NBPF20: variants seen among roughly 807,000 people sequenced by gnomAD.
NBPF20 encodes the protein NBPF family member NBPF20.
A neutral mutation model predicts 68.1 loss-of-function variants in NBPF20; 90 were observed. The ratio of observed to expected loss-of-function variants is 1.32; its 90% CI spans 1.11 to 1.58. NBPF20 has a LOEUF of 1.58. Among genes scored for constraint, NBPF20 ranks in the 40% most tolerant of loss-of-function variants. NBPF20 has a pLI of 0.00. For missense variants in NBPF20, 816 were observed against 601.2 expected (o/e 1.36, Z -3.74); for synonymous variants, 290 against 228.1 (o/e 1.27, Z -2.45).
At position 145,291,544 on chromosome 1, in the gene NBPF20, T is replaced by A. The variant is rs376413621; in HGVS notation, c.16923A>T (p.Gly5641=). 40 of 1,611,984 alleles carry A rather than the reference T, an allele frequency of 2.5e-5. No individual in the cohort carries two copies. In the African/African-American group the frequency reaches 2.7e-4, roughly 11 times the overall value. ...GGGCTGTTTATTGTGGGAATATGAC[T>A]CCCATCTGGAACACCAGGTGGAGAC... The change falls in exon 138 of 138, where the codon GGA becomes GGT. Residue 5641 remains glycine (G), a synonymous_variant. Transcript: ENST00000369373.
chr1:145,419,723 C>A, the NBPF20 span, among the ~76,000 whole-genome samples: 23 of 152,254 alleles, frequency 1.5e-4, no homozygotes, highest in Non-Finnish European at 1.8e-4. Context: ...CTTTCTCCCC[C>A]TCTCAATGCC....
upstream of NBPF20, chr1:145,407,812 C>A (rs1483083153): frequency 1.3e-5 from 2 of 156,286 alleles, no homozygotes; most frequent in African/African-American, 4.8e-5. Context: ...TAGGACACGG[C>A]CATTGTGGGC....
intron 9 of NBPF20, chr1:145,393,642 T>G: frequency 9.8e-7 from 1 of 1,020,900 alleles, no homozygotes; most frequent in Non-Finnish European, 1.4e-6. Context: ...TTCCCTGCAG[T>G]TACCATGAGA....
In NBPF20 at chr1:145,393,797, A is replaced by G. The variant is rs1662066482; in HGVS notation, c.1043+87T>C. The G allele has an allele frequency of 5.3e-6, 7 of 1,325,990 alleles. No individual in the cohort carries two copies. In the Admixed American group the frequency reaches 6.7e-5, roughly 13 times the overall value. 82.1% of individuals were successfully genotyped at this position (1,325,990 alleles called of 1,614,324 possible). On this transcript the variant is annotated intron_variant, in intron 9 of 137. Transcript: ENST00000369373. ...CAGACTTGTCTGACAAGACAAAATCATTATTTTCAGCATGTACTGTTTTCC... is the reference window on the plus strand; with the variant it reads ...CAGACTTGTCTGACAAGACAAAATCGTTATTTTCAGCATGTACTGTTTTCC...
At chr1:145,393,720 A>T (rs1279769391) in intron 9 of NBPF20, 164 bp downstream of exon 14, 15 of 1,497,090 alleles carry the variant, frequency 1.0e-5, no homozygotes, top group Non-Finnish European at 1.2e-5. Context: ...AGAAATGGAA[A>T]CCTAAACATG....
the NBPF20 span, among the ~76,000 whole-genome samples, chr1:145,410,905 TTGTG>T: frequency 5.4e-4 from 64 of 119,400 alleles, no homozygotes; most frequent in South Asian, 2.7e-3. Context: ...ACACACACGT[TTGTG>T]TGTGTGTGTG....
At chr1:145,298,556 G>T (rs1661355041) in intron 129 of NBPF20, among the ~76,000 whole-genome samples, 1 of 89,504 alleles carries the variant, frequency 1.1e-5, no homozygotes, top group Non-Finnish European at 2.1e-5. Flanking sequence ...GTCGCCATGA[G>T]AATACAGTTT....
chr1:145,402,471 C>T (rs1338412162), intron 3 of NBPF20, 90 bp from the exon 9 acceptor site: 1 of 1,437,910 alleles, frequency 7.0e-7, no homozygotes, highest in Non-Finnish European at 9.8e-7. Context: ...ATAATGTCCT[C>T]AAGGAGACCT....
At chr1:145,290,589 G>A (rs1187965714) in exon 138 of NBPF20, 1 of 150,360 alleles carries the variant, frequency 6.7e-6, no homozygotes, top group Non-Finnish European at 1.5e-5. Context: ...AATATTTGGG[G>A]TTCAAAATAA....
chr1:145,412,176 T>G, the NBPF20 span, among the ~76,000 whole-genome samples: 1 of 151,342 alleles, frequency 6.6e-6, no homozygotes, highest in African/African-American at 2.4e-5. Flanking sequence ...CCCCTGTAGG[T>G]TGAAAAGGAG....
At chr1:145,395,207 C>T in intron 7 of NBPF20, 66 bp from the exon 13 acceptor site, 1 of 953,670 alleles carries the variant, frequency 1.0e-6, no homozygotes, top group South Asian at 1.4e-5. Flanking sequence ...AACAAAACCT[C>T]CCAGATGATC....
upstream of NBPF20, among the ~76,000 whole-genome samples, chr1:145,409,912 G>C (rs1345263005): frequency 6.6e-6 from 1 of 151,606 alleles, no homozygotes; most frequent in Non-Finnish European, 1.5e-5. Flanking sequence ...GTAACCAGTT[G>C]CAGAAGTCAA....
At chr1:145,407,388 A>G (rs1553667851), upstream of NBPF20, among the ~76,000 whole-genome samples, 3 of 145,382 alleles carry the variant, frequency 2.1e-5, no homozygotes, top group African/African-American at 7.7e-5. Context: ...TAATATATAT[A>G]CACGTGTATA....
chr1:145,393,510 G>T (rs1342087014), intron 9 of NBPF20, among the ~76,000 whole-genome samples: 6 of 150,918 alleles, frequency 4.0e-5, no homozygotes, highest in Non-Finnish European at 7.4e-5. Context: ...TCAGTGAATT[G>T]GTCAGGTGAC....
intron 6 of NBPF20, 145 bp from the exon 12 acceptor site, chr1:145,399,245 G>A: frequency 1.5e-6 from 1 of 681,640 alleles, no homozygotes; most frequent in South Asian, 1.6e-5. Context: ...GGGTGTCCTA[G>A]ATTAACTTTG....
At chr1:145,393,616 T>C (rs1186851638) in intron 9 of NBPF20, 6 of 766,536 alleles carry the variant, frequency 7.8e-6, no homozygotes, top group Non-Finnish European at 1.2e-5. Flanking sequence ...TAATTTTGCA[T>C]AAAATGTGCT....
chr1:145,424,532 G>A, the NBPF20 span, among the ~76,000 whole-genome samples: 1 of 152,166 alleles, frequency 6.6e-6, no homozygotes, highest in Non-Finnish European at 1.5e-5. Context: ...CATTCTTTCG[G>A]CAAAGAAAGG....
At chr1:145,412,606 G>A in the NBPF20 span, among the ~76,000 whole-genome samples, 1 of 151,132 alleles carries the variant, frequency 6.6e-6, no homozygotes, top group East Asian at 1.9e-4. Context: ...TGTTGAACAA[G>A]GGACATCATC....
intron 8 of NBPF20, among the ~76,000 whole-genome samples, chr1:145,394,439 A>T (rs1402723455): frequency 1.3e-5 from 2 of 152,092 alleles, no homozygotes; most frequent in African/African-American, 4.8e-5. Context: ...TATCTAGAAA[A>T]CATACCAGGA....
Sources: gnomAD v4.1 joint callset for allele counts (sites outside exome capture counted in the v4.1 genomes callset) on GRCh38, gnomAD v4.1.1 for gene constraint, MANE v1.5 for transcripts, NCBI Gene and HGNC (gene_info 2026-07-23, HGNC 2026-07-21) for gene names.